The following TMED3 variants were observed in gnomAD, a reference collection of about 807,000 sequenced individuals.
The protein encoded by TMED3 is transmembrane emp24 domain-containing protein 3.
Under a neutral mutation model 15.0 loss-of-function variants are expected in TMED3, and 9 were observed. The observed-to-expected ratio is 0.60, with a 90% CI of 0.36 to 1.04. The LOEUF is 1.04. TMED3 is among the 50% of genes least tolerant of loss of function. TMED3 has a pLI of 0.01. For synonymous variants in TMED3, 117 were observed against 121.4 expected, an observed-to-expected ratio of 0.96 and a Z score of 0.24; for missense variants, 267 against 278.9, an observed-to-expected ratio of 0.96 and a Z score of 0.30.
chr15:79,344,727 AG>A (rs1158389767), intron 2 of TMED3, among the ~76,000 whole-genome samples: 1 of 152,222 alleles, frequency 6.6e-6, no homozygotes, highest in Non-Finnish European at 1.5e-5. Flanking sequence ...CAGCAAGAAG[AG>A]AACTGGTAAC....
At chr15:79,325,901 G>A (rs1008322462), downstream of TMED3, among the ~76,000 whole-genome samples, 3 of 152,000 alleles carry the variant, frequency 2.0e-5, no homozygotes, top group East Asian at 1.9e-4. Flanking sequence ...TTGTTCTAGC[G>A]CTGCTGGCAG....
At chr15:79,382,705 T>C (rs976937136) in intron 2 of TMED3, among the ~76,000 whole-genome samples, 14 of 152,330 alleles carry the variant, frequency 9.2e-5, no homozygotes, top group Admixed American at 3.9e-4. Context: ...CCTTTCTCTA[T>C]GTCCTCCACT....
chr15:79,391,155 G>A (rs963762854), intron 2 of TMED3, among the ~76,000 whole-genome samples: 3 of 151,116 alleles, frequency 2.0e-5, no homozygotes, highest in Non-Finnish European at 4.4e-5. Flanking sequence ...TGTTTCTCTA[G>A]TTTCTTCAGG....
intron 2 of TMED3, among the ~76,000 whole-genome samples, chr15:79,409,249 TG>T (rs1352903745): frequency 1.3e-5 from 2 of 152,240 alleles, no homozygotes; most frequent in Admixed American, 1.3e-4. Context: ...GGCACTACTT[TG>T]GAACACTCCT....
Position 79,322,317 on chromosome 15 carries a change from C to T in TMED3, c.*103C>T, listed in dbSNP as rs540344460. The T allele has an allele frequency of 1.9e-5, 29 of 1,515,578 alleles. No individual in the cohort carries two copies. Among genetic ancestry groups the T allele is most frequent in the Middle Eastern group, 2.5e-4 (1 of 4,056 alleles). 93.9% of individuals were successfully genotyped at this position (1,515,578 alleles called of 1,614,324 possible). Reference sequence around the variant, plus strand: ...CGCGTAGCCCAGGGTGGAGGCAGAACGATGCTGCTGTGGTAGCCCTTTGCC... The same window carrying T: ...CGCGTAGCCCAGGGTGGAGGCAGAATGATGCTGCTGTGGTAGCCCTTTGCC... On this transcript the variant is annotated 3_prime_UTR_variant, in exon 3 of 3. Coordinates refer to ENST00000299705, the MANE Select transcript of TMED3 (RefSeq NM_007364.4).
At chr15:79,359,118 G>T (rs909124537) in intron 2 of TMED3, among the ~76,000 whole-genome samples, 4 of 152,196 alleles carry the variant, frequency 2.6e-5, no homozygotes, top group African/African-American at 9.7e-5. Context: ...CAAGGGAAGT[G>T]AGGAGGCTTA....
intron 2 of TMED3, among the ~76,000 whole-genome samples, chr15:79,407,464 A>G (rs1446267890): frequency 1.3e-5 from 2 of 152,158 alleles, no homozygotes; most frequent in African/African-American, 2.4e-5. Flanking sequence ...AGGACTCTAT[A>G]TCCCTGTTCT....
At chr15:79,350,615 T>C (rs1474548204) in intron 2 of TMED3, among the ~76,000 whole-genome samples, 3 of 152,134 alleles carry the variant, frequency 2.0e-5, no homozygotes, top group African/African-American at 7.2e-5. Context: ...GATTAAATGG[T>C]GCCTACCCAG....
chr15:79,379,967 A>G (rs538016024), intron 2 of TMED3, among the ~76,000 whole-genome samples: 1 of 152,350 alleles, frequency 6.6e-6, no homozygotes, highest in South Asian at 2.1e-4. Context: ...GAAAGATCAC[A>G]AAAGGTTTTT....
chr15:79,381,232 TG>T (rs1893530520), intron 2 of TMED3, among the ~76,000 whole-genome samples: 1 of 152,130 alleles, frequency 6.6e-6, no homozygotes. Context: ...TAGTTGTTGG[TG>T]GGCTCTAAGG....
chr15:79,350,253 A>T (rs1459997251), intron 2 of TMED3, among the ~76,000 whole-genome samples: 1 of 152,226 alleles, frequency 6.6e-6, no homozygotes, highest in East Asian at 1.9e-4. Flanking sequence ...AAGGAACAGA[A>T]GTAACAGGAT....
At position 79,341,057 on chromosome 15, in the gene TMED3, G is replaced by T. The variant is rs563641518; in HGVS notation, c.417+27052G>T. On this transcript the variant is annotated intron_variant, in intron 2 of 2. Coordinates refer to the TMED3 transcript ENST00000424155. ...AAATAATAGAAAATTAGCTGGGTGT[G>T]GTGCTGTGTACCTGTAGTCACAGCT... Among the ~76,000 whole-genome samples, 5 of 152,124 alleles carry T rather than the reference G, an allele frequency of 3.3e-5. No homozygotes were observed. In the East Asian group the frequency reaches 9.7e-4, roughly 29 times the overall value.
intron 2 of TMED3, among the ~76,000 whole-genome samples, chr15:79,367,756 A>C (rs1451706957): frequency 1.3e-5 from 2 of 152,252 alleles, no homozygotes; most frequent in Non-Finnish European, 2.9e-5. Context: ...TTACATGTAA[A>C]GTAATAAATC....
intron 2 of TMED3, among the ~76,000 whole-genome samples, chr15:79,390,032 A>C (rs570389312): frequency 1.3e-5 from 2 of 152,150 alleles, no homozygotes; most frequent in Admixed American, 1.3e-4. Context: ...TATAATCAGC[A>C]AACAGTGACA....
At chr15:79,365,681 A>C (rs948170989) in intron 2 of TMED3, among the ~76,000 whole-genome samples, 1 of 152,252 alleles carries the variant, frequency 6.6e-6, no homozygotes, top group Non-Finnish European at 1.5e-5. Flanking sequence ...GTGAACGTAG[A>C]GTAGCTATCT....
At chr15:79,364,205 CT>C (rs1324967778) in intron 2 of TMED3, among the ~76,000 whole-genome samples, 1 of 152,142 alleles carries the variant, frequency 6.6e-6, no homozygotes, top group African/African-American at 2.4e-5. Flanking sequence ...ACTGGGTTCC[CT>C]ATTTGTATAA....
intron 2 of TMED3, among the ~76,000 whole-genome samples, chr15:79,341,515 C>T (rs1256037123): frequency 6.6e-6 from 1 of 152,154 alleles, no homozygotes; most frequent in Non-Finnish European, 1.5e-5. Context: ...AGCCCATGGC[C>T]AGGCGTAGGT....
Position 79,313,971 on chromosome 15 carries a change from C to T in TMED3, c.383C>T (p.Pro128Leu), listed in dbSNP as rs530818701. 6.8e-6 allele frequency: 11 copies of T among 1,614,122 alleles called. No individual in the cohort carries two copies. In the South Asian group the frequency reaches 1.2e-4, roughly 18 times the overall value. ...FQVGDEPPIL[P>L]DMGNRVTALT... ...GTGGGCGATGAGCCTCCCATTCTCC[C>T]AGACATGGGGAACAGGGTCACAGCT... is the stretch of plus-strand genomic sequence containing the variant. The change falls in exon 2 of 3, where the codon CCA (proline) becomes CTA (leucine). Residue 128 changes from proline to leucine, a missense_variant. Pro to Leu is a moderately conservative substitution (Grantham distance 98). Coordinates refer to ENST00000299705, the MANE Select transcript of TMED3 (RefSeq NM_007364.4).
downstream of TMED3, among the ~76,000 whole-genome samples, chr15:79,324,055 G>A (rs886831269): frequency 5.9e-5 from 9 of 152,092 alleles, no homozygotes; most frequent in Non-Finnish European, 1.0e-4. Flanking sequence ...CAGTGGTGCA[G>A]TCTCGGCTCA....
Sources: gnomAD v4.1 joint callset for allele counts (sites outside exome capture counted in the v4.1 genomes callset) on GRCh38, gnomAD v4.1.1 for gene constraint, MANE v1.5 for transcripts, NCBI Gene and HGNC (gene_info 2026-07-23, HGNC 2026-07-21) for gene names.